Variants in CELF2 observed in about 807,000 individuals in gnomAD.
CELF2 encodes CUGBP Elav-like family member 2.
A neutral mutation model predicts 62.6 loss-of-function variants in CELF2; 8 were observed. The ratio of observed to expected loss-of-function variants is 0.13; its 90% CI spans 0.07 to 0.23. The LOEUF (loss-of-function observed/expected upper bound fraction) is 0.23. Among genes scored for constraint, CELF2 ranks in the 10% least tolerant of loss-of-function variants. The pLI is 1.00. For missense variants in CELF2, 333 were observed against 671.0 expected, an observed-to-expected ratio of 0.50 and a Z score of 5.56; for synonymous variants, 258 against 250.0, an observed-to-expected ratio of 1.03 and a Z score of -0.30.
chr10:10,858,224 A>C (rs1029736529), intron 1 of CELF2, among the ~76,000 whole-genome samples: 1 of 152,134 alleles, frequency 6.6e-6, no homozygotes, highest in African/African-American at 2.4e-5. Flanking sequence ...ACAAACACCA[A>C]GCAGGGATGG....
chr10:11,296,650 C>T lies in CELF2; in HGVS notation c.976+8098C>T, dbSNP rs2093215227. The stretch of plus-strand genomic sequence containing the variant: ...TGGTTTAATCCCGAGAACCCGTCAC[C>T]ATCAACTAGATGCATTGGCCACCTA... On this transcript the variant is annotated intron_variant, in intron 9 of 12. Transcript: ENST00000633077. The surrounding 1 kb of genome is among the most constrained non-coding windows in gnomAD (Gnocchi z 5.0). 6.6e-6 allele frequency among the ~76,000 whole-genome samples: 1 copy of T among 152,046 alleles called. No homozygotes were observed.
chr10:10,910,097 G>T (rs2063681108), intron 1 of CELF2, among the ~76,000 whole-genome samples: 1 of 152,158 alleles, frequency 6.6e-6, no homozygotes, highest in Non-Finnish European at 1.5e-5. Context: ...TAATTAAGAG[G>T]ACTTATTAGT....
intron 1 of CELF2, among the ~76,000 whole-genome samples, chr10:10,876,152 C>G (rs2061074813): frequency 6.6e-6 from 1 of 152,012 alleles, no homozygotes; most frequent in Non-Finnish European, 1.5e-5. Flanking sequence ...TATTCTAATC[C>G]CAGGGTTTGT....
At chr10:10,704,631 G>T in the CELF2 span, among the ~76,000 whole-genome samples, 1 of 152,082 alleles carries the variant, frequency 6.6e-6, no homozygotes, top group African/African-American at 2.4e-5. Flanking sequence ...GGAGTCTCCC[G>T]TTTCTCTAGG....
the CELF2 span, among the ~76,000 whole-genome samples, chr10:10,670,822 C>T: frequency 7.0e-6 from 1 of 142,996 alleles, no homozygotes; most frequent in African/African-American, 2.7e-5. Flanking sequence ...TGCAGAATGT[C>T]ATAGTTGAAA....
chr10:10,651,056 T>A, the CELF2 span, among the ~76,000 whole-genome samples: 1 of 151,736 alleles, frequency 6.6e-6, no homozygotes. Context: ...TTGCCTCACT[T>A]GGGAAGCGCA....
chr10:11,179,281 TAA>T (rs10718541), intron 2 of CELF2, among the ~76,000 whole-genome samples: 16 of 149,434 alleles, frequency 1.1e-4, no homozygotes, highest in East Asian at 2.0e-4. Flanking sequence ...ACTGTACTGT[TAA>T]AAAAAAAAAA....
Position 11,260,903 on chromosome 10 carries a change from G to T in CELF2, c.538+3031G>T, listed in dbSNP as rs937273216. ...ATGCTACCATTTTGCTTTCATTAAA[G>T]AATTGCAGTTTTGAATCAAATATTA... On this transcript the variant is annotated intron_variant, in intron 5 of 12. Transcript: ENST00000633077. This position sits in a 1 kb window ranked among gnomAD's most constrained non-coding sequence, Gnocchi z 4.2. Among the ~76,000 whole-genome samples, 25 of 152,256 alleles carry T rather than the reference G, an allele frequency of 1.6e-4. No individual in the cohort carries two copies. The highest frequency in any genetic ancestry group is 6.0e-4 in the African/African-American group (25 of 41,552).
intron 2 of CELF2, among the ~76,000 whole-genome samples, chr10:11,192,063 G>C (rs911914986): frequency 6.6e-6 from 1 of 152,206 alleles, no homozygotes; most frequent in Non-Finnish European, 1.5e-5. Context: ...CCCTTCCTGA[G>C]CACACTCATC....
In CELF2 at chr10:11,330,542, T is replaced by C. The variant is rs571921053; in HGVS notation, c.*1489T>C. On this transcript the variant is annotated 3_prime_UTR_variant, in exon 13 of 13. Transcript: ENST00000633077. This position sits in a 1 kb window ranked among gnomAD's most constrained non-coding sequence, Gnocchi z 4.5. ...AGTTTCATCGTCCCGTCATTGTTTC[T>C]GATGTCTTTCTGACCTCACATCATA... The C allele has an allele frequency of 6.5e-6, 1 of 152,772 alleles. No individual in the cohort carries two copies. Among genetic ancestry groups the C allele is most frequent in the Admixed American group, 6.5e-5 (1 of 15,304 alleles). 9.5% of individuals were successfully genotyped at this position (152,772 alleles called of 1,614,324 possible). A position where few individuals can be genotyped will look rare whatever the true frequency, so the allele number is the denominator to read the frequency against.
At chr10:11,053,565 T>TAA (rs200996036) in intron 1 of CELF2, among the ~76,000 whole-genome samples, 17 of 150,014 alleles carry the variant, frequency 1.1e-4, no homozygotes, top group Non-Finnish European at 2.1e-4. Flanking sequence ...CACACATTTT[T>TAA]TAAAAAAAAA....
intron 1 of CELF2, among the ~76,000 whole-genome samples, chr10:11,049,261 T>C (rs974702846): frequency 5.9e-5 from 9 of 151,934 alleles, no homozygotes; most frequent in Non-Finnish European, 1.2e-4. Flanking sequence ...TACAACTTCC[T>C]AAGTTAAGCC....
chr10:11,005,172 T>C, upstream of CELF2: 1 of 1,431,388 alleles, frequency 7.0e-7, no homozygotes, highest in Non-Finnish European at 9.1e-7. The surrounding 1 kb of genome is among the most constrained non-coding windows in gnomAD (Gnocchi z 4.3). Context: ...GAGGATTATT[T>C]CTACTTAGTG....
chr10:11,266,690 C>A lies in CELF2; in HGVS notation c.618+13C>A. 6.2e-7 allele frequency: 1 copy of A among 1,607,616 alleles called. No homozygotes were observed. The highest frequency in any genetic ancestry group is 8.5e-7 in the Non-Finnish European group (1 of 1,174,828). On this transcript the variant is annotated intron_variant, in intron 6 of 12. Transcript: ENST00000633077. Reference sequence around the variant, plus strand: ...TCAGACCATGGAGGTACTGTATCATCTGCCCTTTCTTTGTTTTCTTTGTGC... The same window carrying A: ...TCAGACCATGGAGGTACTGTATCATATGCCCTTTCTTTGTTTTCTTTGTGC...
chr10:10,946,099 A>C (rs2047648463), intron 2 of CELF2: 1 of 152,658 alleles, frequency 6.6e-6, no homozygotes, highest in African/African-American at 2.4e-5. Context: ...GCATTCCTGA[A>C]GGGAAAGGTT....
chr10:11,048,958 T>C (rs978781060), intron 1 of CELF2, among the ~76,000 whole-genome samples: 1 of 152,178 alleles, frequency 6.6e-6, no homozygotes, highest in Non-Finnish European at 1.5e-5. Context: ...AGCCCCGTCT[T>C]TGTCTCTGGA....
At chr10:10,543,369 G>A in the CELF2 span, among the ~76,000 whole-genome samples, 1 of 152,154 alleles carries the variant, frequency 6.6e-6, no homozygotes. Context: ...TAACCTACCT[G>A]GTCAACCTGC....
chr10:10,717,527 T>C, the CELF2 span, among the ~76,000 whole-genome samples: 1 of 152,176 alleles, frequency 6.6e-6, no homozygotes, highest in African/African-American at 2.4e-5. Flanking sequence ...TATTTAGTTC[T>C]CTCTTCTCAC....
rs753752397 is a variant in CELF2 at position 11,288,428 on chromosome 10, T to C, written c.852T>C (p.Ala284=). Residue 284 remains alanine (A), a synonymous_variant, in exon 9 of 13, where the codon GCT becomes GCC. Transcript: ENST00000633077. The part of the protein sequence containing the change: ...SGIQQMAGMN[A]LQLQNLATLA... ...CTCTTCCCTCCACAGGCATGAATGC[T>C]TTACAGTTGCAGAACCTGGCGACGC... The C allele has an allele frequency of 3.7e-6, 6 of 1,613,986 alleles. No individual in the cohort carries two copies. The highest frequency in any genetic ancestry group is 5.1e-6 in the Non-Finnish European group (6 of 1,180,042).
Sources: allele counts gnomAD v4.1 joint callset (sites outside exome capture counted in the v4.1 genomes callset), GRCh38; gene constraint gnomAD v4.1.1; non-coding constraint Gnocchi (gnomAD v3.1); transcripts MANE v1.5; gene names NCBI Gene and HGNC (gene_info 2026-07-23, HGNC 2026-07-21).